RABGAP1L: variants seen among roughly 807,000 people sequenced by gnomAD.
RABGAP1L encodes the protein rab GTPase-activating protein 1-like.
In RABGAP1L, 63 loss-of-function variants were observed where a neutral mutation model predicts 137.7. The observed-to-expected ratio is 0.46, with a 90% CI of 0.37 to 0.56. RABGAP1L has a LOEUF of 0.56. RABGAP1L is among the 20% of genes least tolerant of loss of function. The probability of loss-of-function intolerance (pLI) is 0.00; values close to 1 mark genes in which losing one functional copy is unlikely to be tolerated. For missense variants in RABGAP1L, 1,095 were observed against 1,244.0 expected, an observed-to-expected ratio of 0.88 and a Z score of 1.80; for synonymous variants, 431 against 433.7, an observed-to-expected ratio of 0.99 and a Z score of 0.08.
In RABGAP1L at chr1:174,869,987, G is replaced by A. The variant is rs117188435; in HGVS notation, c.2340+58027G>A. On this transcript the variant is annotated intron_variant, in intron 19 of 25. Transcript: ENST00000681986. Reference sequence around the variant, plus strand: ...ATCCAGTCTATGGTATTTTATTCTAGTAGCAGCCCAAACAGACTAAGACAG... The same window carrying A: ...ATCCAGTCTATGGTATTTTATTCTAATAGCAGCCCAAACAGACTAAGACAG... Among the ~76,000 whole-genome samples the A allele has an allele frequency of 2.6e-5, 4 of 152,260 alleles. No homozygotes were observed. The East Asian group carries it at 5.8e-4, about 22-fold the overall frequency.
At position 174,951,586 on chromosome 1, in the gene RABGAP1L, T is replaced by G. The variant is rs375139681; in HGVS notation, c.2341-5871T>G. Among the ~76,000 whole-genome samples the G allele has an allele frequency of 5.9e-5, 9 of 152,320 alleles. No individual in the cohort carries two copies. The South Asian group carries it at 1.0e-3, about 18-fold the overall frequency. On this transcript the variant is annotated intron_variant, in intron 19 of 25. Transcript: ENST00000681986. ...TGCACACTGGTCCAGGCCTCTCTTC[T>G]TGTCTTTATTGATAGTTTAGCTCAG... is the stretch of plus-strand genomic sequence containing the variant.
chr1:174,716,995 C>T (rs988567572), intron 17 of RABGAP1L, among the ~76,000 whole-genome samples: 3 of 152,158 alleles, frequency 2.0e-5, no homozygotes, highest in Admixed American at 2.0e-4. Flanking sequence ...TGCTCATTGG[C>T]AGGCAAGAAT....
intron 13 of RABGAP1L, among the ~76,000 whole-genome samples, chr1:174,531,048 C>T (rs1179577925): frequency 3.3e-5 from 5 of 151,890 alleles, no homozygotes; most frequent in African/African-American, 1.2e-4. Context: ...TACACATAAC[C>T]CCATGGGTGA....
intron 13 of RABGAP1L, among the ~76,000 whole-genome samples, chr1:174,493,602 T>C (rs1660464984): frequency 6.6e-6 from 1 of 151,828 alleles, no homozygotes; most frequent in African/African-American, 2.4e-5. Flanking sequence ...GGTGGATTGC[T>C]TGAGTCCAGG....
intron 19 of RABGAP1L, among the ~76,000 whole-genome samples, chr1:174,834,421 C>T (rs894867117): frequency 4.0e-5 from 5 of 124,760 alleles, no homozygotes; most frequent in East Asian, 2.6e-4. Flanking sequence ...AGTGAAACTC[C>T]GTCTGAAAAA....
chr1:174,987,623 C>T (rs1671706655), intron 24 of RABGAP1L, among the ~76,000 whole-genome samples: 1 of 152,094 alleles, frequency 6.6e-6, no homozygotes, highest in South Asian at 2.1e-4. Flanking sequence ...GGAGGATGGG[C>T]ACGGTGATGG....
chr1:174,366,778 G>GAAAAAAAAAAA (rs71117562), intron 11 of RABGAP1L, among the ~76,000 whole-genome samples: 1 of 94,760 alleles, frequency 1.1e-5, no homozygotes, highest in African/African-American at 3.2e-5. Context: ...CCGTCTCCAG[G>GAAAAAAAAAAA]AAAAAAAAAA....
At chr1:174,861,596 C>T (rs746402152) in intron 19 of RABGAP1L, among the ~76,000 whole-genome samples, 19 of 152,052 alleles carry the variant, frequency 1.2e-4, no homozygotes, top group Non-Finnish European at 2.2e-4. Context: ...TCTCTTTTCT[C>T]CATATCCTCA....
chr1:174,340,444 C>T (rs1681873968), intron 11 of RABGAP1L, among the ~76,000 whole-genome samples: 1 of 152,178 alleles, frequency 6.6e-6, no homozygotes. Context: ...ACTCCCCAGA[C>T]AGGCCCCAGT....
At chr1:174,808,741 C>T (rs1329708907) in intron 18 of RABGAP1L, among the ~76,000 whole-genome samples, 1 of 151,730 alleles carries the variant, frequency 6.6e-6, no homozygotes, top group Non-Finnish European at 1.5e-5. Context: ...GCAACCTCCA[C>T]CTCCTGGATT....
At chr1:174,764,194 T>C (rs1378363885) in intron 18 of RABGAP1L, among the ~76,000 whole-genome samples, 1 of 152,250 alleles carries the variant, frequency 6.6e-6, no homozygotes, top group Admixed American at 6.5e-5. Flanking sequence ...TACCACATTT[T>C]ATTTATCCAT....
At chr1:174,370,279 C>T (rs1313650114) in intron 11 of RABGAP1L, among the ~76,000 whole-genome samples, 1 of 151,920 alleles carries the variant, frequency 6.6e-6, no homozygotes, top group Non-Finnish European at 1.5e-5. Flanking sequence ...TCTTTCTTTC[C>T]TTTCTCTACT....
At chr1:174,516,732 A>G (rs1662893946) in intron 13 of RABGAP1L, among the ~76,000 whole-genome samples, 1 of 152,056 alleles carries the variant, frequency 6.6e-6, no homozygotes, top group Admixed American at 6.6e-5. Context: ...GGGCTTAGCA[A>G]GGTTTAATAA....
At chr1:174,186,035 TG>T (rs1666775204) in intron 1 of RABGAP1L, among the ~76,000 whole-genome samples, 1 of 149,668 alleles carries the variant, frequency 6.7e-6, no homozygotes, top group Non-Finnish European at 1.5e-5. Context: ...CCCAGCTACT[TG>T]GGAAGGGTGA....
chr1:174,840,135 C>CAT (rs1390621052), intron 19 of RABGAP1L, among the ~76,000 whole-genome samples: 2 of 152,156 alleles, frequency 1.3e-5, no homozygotes, highest in African/African-American at 4.8e-5. Flanking sequence ...CACAGAACAG[C>CAT]ATAGCATTTG....
At chr1:174,972,593 C>T (rs1670231757) in intron 21 of RABGAP1L, among the ~76,000 whole-genome samples, 1 of 151,948 alleles carries the variant, frequency 6.6e-6, no homozygotes, top group African/African-American at 2.4e-5. Context: ...TGGCTCACGC[C>T]TGTAATCCTA....
intron 1 of RABGAP1L, among the ~76,000 whole-genome samples, chr1:174,167,191 AG>A (rs1664982302): frequency 2.6e-5 from 4 of 151,924 alleles, no homozygotes; most frequent in African/African-American, 7.2e-5. Context: ...ATGTCAGCAC[AG>A]TGTTTCTGTT....
chr1:174,497,058 C>G (rs1660803180), intron 13 of RABGAP1L, among the ~76,000 whole-genome samples: 1 of 152,222 alleles, frequency 6.6e-6, no homozygotes, highest in African/African-American at 2.4e-5. Context: ...GAGTATCTCT[C>G]TAGGTTCTTC....
chr1:174,612,631 G>C (rs1402776040), intron 13 of RABGAP1L, among the ~76,000 whole-genome samples: 2 of 152,134 alleles, frequency 1.3e-5, no homozygotes, highest in African/African-American at 4.8e-5. Context: ...AGAAGGAATG[G>C]TACCAGTTAC....
Sources: allele counts gnomAD v4.1 joint callset (sites outside exome capture counted in the v4.1 genomes callset), GRCh38; gene constraint gnomAD v4.1.1; transcripts MANE v1.5; gene names NCBI Gene and HGNC (gene_info 2026-07-23, HGNC 2026-07-21).